AGBL4: variants seen among roughly 807,000 people sequenced by gnomAD.
AGBL4 encodes cytosolic carboxypeptidase 6.
AGBL4 carries 58 observed loss-of-function variants against 66.4 expected under a neutral mutation model. That is an observed-to-expected ratio of 0.87 (90% CI 0.71 to 1.09). The LOEUF (loss-of-function observed/expected upper bound fraction) is 1.09, where lower values mean the gene tolerates loss of function less well. Ranked by LOEUF, AGBL4 falls within the 50% of genes least tolerant of loss-of-function variation. The pLI is 0.00. For missense variants in AGBL4, 579 were observed against 631.0 expected, an observed-to-expected ratio of 0.92 and a Z score of 0.88; for synonymous variants, 234 against 222.9, an observed-to-expected ratio of 1.05 and a Z score of -0.44.
At chr1:48,897,738 T>A (rs1199544102) in intron 5 of AGBL4, among the ~76,000 whole-genome samples, 1 of 152,126 alleles carries the variant, frequency 6.6e-6, no homozygotes, top group East Asian at 1.9e-4. Flanking sequence ...TGTTGAGCAT[T>A]TTTTCATATA....
At position 49,759,086 on chromosome 1, in the gene AGBL4, C is replaced by G. The variant is rs376604741; in HGVS notation, c.158-61649G>C. On this transcript the variant is annotated intron_variant, in intron 2 of 13. Coordinates refer to ENST00000371839, the MANE Select transcript of AGBL4 (RefSeq NM_032785.4). The stretch of plus-strand genomic sequence containing the variant: ...AATAGCAGTTTCCCCTTTTCTCTCT[C>G]TTGCCTGCCTCCATGTAAGACATGC... Among the ~76,000 whole-genome samples, 12 of 152,282 alleles carry G rather than the reference C, an allele frequency of 7.9e-5. No homozygotes were observed. In the East Asian group the frequency reaches 1.9e-3, roughly 25 times the overall value.
At chr1:48,893,535 A>G (rs1177918984) in intron 5 of AGBL4, among the ~76,000 whole-genome samples, 1 of 151,666 alleles carries the variant, frequency 6.6e-6, no homozygotes, top group East Asian at 1.9e-4. Context: ...CAAAAAAAAA[A>G]TTAGCTGGGC....
intron 5 of AGBL4, 77 bp downstream of exon 5, chr1:49,045,507 A>G (rs1644055609): frequency 1.5e-6 from 2 of 1,310,940 alleles, no homozygotes; most frequent in South Asian, 1.4e-5. Context: ...TTTGCATTGC[A>G]TAAAAACCCG....
intron 4 of AGBL4, among the ~76,000 whole-genome samples, chr1:49,055,894 AT>A (rs946757139): frequency 6.6e-6 from 1 of 151,990 alleles, no homozygotes; most frequent in African/African-American, 2.4e-5. Context: ...AAAATATACA[AT>A]TTTTTTTAGT....
intron 5 of AGBL4, among the ~76,000 whole-genome samples, chr1:48,890,528 G>C (rs1025676942): frequency 6.6e-6 from 1 of 152,122 alleles, no homozygotes; most frequent in Non-Finnish European, 1.5e-5. Flanking sequence ...TTCCCCTAGG[G>C]GTTTCTGAAG....
chr1:49,012,181 C>T (rs1662486939), intron 5 of AGBL4, among the ~76,000 whole-genome samples: 1 of 152,070 alleles, frequency 6.6e-6, no homozygotes, highest in East Asian at 1.9e-4. Flanking sequence ...GTTCAGAGTA[C>T]AATTTTCTTG....
chr1:49,837,956 A>T (rs1443017810), intron 2 of AGBL4, among the ~76,000 whole-genome samples: 1 of 152,194 alleles, frequency 6.6e-6, no homozygotes, highest in Non-Finnish European at 1.5e-5. Context: ...CAACCCCACC[A>T]TTTATAGTAA....
intron 6 of AGBL4, among the ~76,000 whole-genome samples, chr1:48,797,624 G>A (rs1645719291): frequency 6.6e-6 from 1 of 151,900 alleles, no homozygotes; most frequent in South Asian, 2.1e-4. Flanking sequence ...TTGAGACGGA[G>A]TCTCACTATG....
chr1:49,165,747 TAAG>T (rs1009474370), intron 4 of AGBL4, among the ~76,000 whole-genome samples: 11 of 147,442 alleles, frequency 7.5e-5, no homozygotes, highest in African/African-American at 2.8e-4. Context: ...AAGAGAAAAA[TAAG>T]AAAGTTATTG....
At chr1:49,952,775 G>T (rs894338417) in intron 1 of AGBL4, among the ~76,000 whole-genome samples, 2 of 151,912 alleles carry the variant, frequency 1.3e-5, no homozygotes, top group African/African-American at 4.8e-5. Context: ...ATGGAAAAAG[G>T]CTTGCAGATA....
chr1:48,611,976 C>T (rs1023578966), intron 9 of AGBL4, among the ~76,000 whole-genome samples: 2 of 152,190 alleles, frequency 1.3e-5, no homozygotes, highest in Admixed American at 1.3e-4. Context: ...AACAGCTAGG[C>T]TCAGACACAA....
At chr1:49,017,603 C>T (rs1419577747) in intron 5 of AGBL4, among the ~76,000 whole-genome samples, 1 of 152,174 alleles carries the variant, frequency 6.6e-6, no homozygotes, top group Non-Finnish European at 1.5e-5. Context: ...ATTCCTTCAG[C>T]ATCCAGTCAT....
At chr1:49,882,031 TA>T (rs1647388013) in intron 1 of AGBL4, among the ~76,000 whole-genome samples, 1 of 152,156 alleles carries the variant, frequency 6.6e-6, no homozygotes, top group Admixed American at 6.5e-5. Flanking sequence ...GTCTAACGTT[TA>T]AGTCTTTAAT....
At chr1:49,511,216 C>A (rs1001359960) in intron 3 of AGBL4, among the ~76,000 whole-genome samples, 11 of 151,628 alleles carry the variant, frequency 7.3e-5, no homozygotes, top group Admixed American at 6.6e-4. Flanking sequence ...AAATGTCCAA[C>A]AATGATAGAC....
At chr1:49,546,679 A>G (rs1231861173) in intron 3 of AGBL4, among the ~76,000 whole-genome samples, 1 of 151,738 alleles carries the variant, frequency 6.6e-6, no homozygotes, top group Non-Finnish European at 1.5e-5. Flanking sequence ...CTGTTTTTTG[A>G]TTTTTTTGAT....
chr1:49,366,347 A>G (rs963206021), intron 3 of AGBL4, among the ~76,000 whole-genome samples: 2 of 152,168 alleles, frequency 1.3e-5, no homozygotes, highest in Admixed American at 1.3e-4. Context: ...CCGCTATTGT[A>G]CCTGGCACAA....
intron 11 of AGBL4, among the ~76,000 whole-genome samples, chr1:48,562,907 G>A (rs527853589): frequency 6.6e-6 from 1 of 152,326 alleles, no homozygotes; most frequent in South Asian, 2.1e-4. Context: ...AAGCCTGGTT[G>A]TTCAGGGTTA....
intron 3 of AGBL4, among the ~76,000 whole-genome samples, chr1:49,426,544 T>C (rs1645663756): frequency 6.6e-6 from 1 of 152,236 alleles, no homozygotes; most frequent in South Asian, 2.1e-4. Flanking sequence ...GCCTATTTAA[T>C]ACTTGTTCTG....
chr1:49,247,458 T>C (rs1225584393), intron 3 of AGBL4, among the ~76,000 whole-genome samples: 3 of 152,150 alleles, frequency 2.0e-5, no homozygotes, highest in African/African-American at 7.2e-5. Flanking sequence ...TGTTCCATTA[T>C]TAATAACCTA....
Sources: gnomAD v4.1 joint callset for allele counts (sites outside exome capture counted in the v4.1 genomes callset) on GRCh38, gnomAD v4.1.1 for gene constraint, MANE v1.5 for transcripts, NCBI Gene and HGNC (gene_info 2026-07-23, HGNC 2026-07-21) for gene names.